Variants in ATXN2 observed in about 807,000 individuals in gnomAD.
The protein encoded by ATXN2 is ataxin-2.
A neutral mutation model predicts 138.6 loss-of-function variants in ATXN2; 37 were observed. The ratio of observed to expected loss-of-function variants is 0.27; its 90% CI spans 0.21 to 0.35. The LOEUF (loss-of-function observed/expected upper bound fraction) is 0.35, where lower values mean the gene tolerates loss of function less well. ATXN2 is among the 10% of genes least tolerant of loss of function. The pLI is 1.00. For missense variants in ATXN2, 1,216 were observed against 1,480.3 expected (o/e 0.82, Z 2.93); for synonymous variants, 549 against 543.7 (o/e 1.01, Z -0.13).
intron 5 of ATXN2, among the ~76,000 whole-genome samples, chr12:111,528,003 T>C (rs1017889438): frequency 6.6e-6 from 1 of 152,134 alleles, no homozygotes; most frequent in Non-Finnish European, 1.5e-5. Flanking sequence ...CTCACAACAC[T>C]AGACAAAAAA....
intron 5 of ATXN2, among the ~76,000 whole-genome samples, chr12:111,542,637 T>C (rs1881583044): frequency 6.6e-6 from 1 of 152,140 alleles, no homozygotes; most frequent in South Asian, 2.1e-4. Context: ...CGGCTAATTT[T>C]TGTACTTTTT....
intron 11 of ATXN2, 69 bp from the exon 12 acceptor site, chr12:111,510,651 GC>G: frequency 7.2e-7 from 1 of 1,393,954 alleles, no homozygotes; most frequent in South Asian, 1.4e-5. Context: ...GAGGCTTCAG[GC>G]TTCTCTGAAG....
chr12:111,503,781 G>A (rs1324772590), intron 14 of ATXN2, among the ~76,000 whole-genome samples: 1 of 151,724 alleles, frequency 6.6e-6, no homozygotes, highest in Non-Finnish European at 1.5e-5. Context: ...ATAAAGATAG[G>A]GTTTCGCCAT....
intron 1 of ATXN2, among the ~76,000 whole-genome samples, chr12:111,591,907 C>A (rs928443983): frequency 2.6e-5 from 4 of 151,488 alleles, no homozygotes; most frequent in African/African-American, 9.7e-5. Flanking sequence ...CATGGTGAAA[C>A]CCTGTCTCTG....
Position 111,485,306 on chromosome 12 carries a change from G to A in ATXN2, c.2483C>T (p.Pro828Leu). 6.2e-7 allele frequency: 1 copy of A among 1,611,892 alleles called. No individual in the cohort carries two copies. Reference protein sequence around the residue: ...VQPLYPIPMTPMPVNQAKTYR... With the variant: ...VQPLYPIPMTLMPVNQAKTYR... ...TGTCTTGGCTTGATTCACTGGCATG[G>A]GCGTCATAGGTATTGGGTATAAAGG... is the stretch of plus-strand genomic sequence containing the variant. Residue 828 changes from proline to leucine, a missense_variant, in exon 18 of 25, where the codon CCC becomes CTC. Around this residue, in one of 4 missense-constraint regions of ATXN2, gnomAD observed 490 missense variants for 653.5 expected, o/e 0.75. Coordinates refer to ENST00000673436, the MANE Select transcript of ATXN2 (RefSeq NM_001372574.1).
rs1172291158 is a variant in ATXN2 at position 111,539,607 on chromosome 12, C to T, written c.571+12673G>A. ...CTAAAAATACAAAAAATTAGCCGGG[C>T]GCTGTGGCGGGTACCTCTAGTCCCA... On this transcript the variant is annotated intron_variant, in intron 5 of 24. Transcript: ENST00000673436. Among the ~76,000 whole-genome samples the T allele has an allele frequency of 1.6e-4, 24 of 149,476 alleles. 2 individuals carry two copies. Among genetic ancestry groups the T allele is most frequent in the Admixed American group, 1.4e-3 (21 of 14,910 alleles).
At chr12:111,563,276 T>C (rs1348251149) in intron 1 of ATXN2, among the ~76,000 whole-genome samples, 1 of 152,114 alleles carries the variant, frequency 6.6e-6, no homozygotes, top group Non-Finnish European at 1.5e-5. Context: ...AATACGTATA[T>C]TCCACATATA....
chr12:111,583,766 CAAAAA>C (rs748838859), intron 1 of ATXN2, among the ~76,000 whole-genome samples: 1 of 58,122 alleles, frequency 1.7e-5, no homozygotes, highest in Non-Finnish European at 2.9e-5. Flanking sequence ...GACTCCGACT[CAAAAA>C]AAAAAAAAAA....
intron 1 of ATXN2, among the ~76,000 whole-genome samples, chr12:111,584,310 A>T (rs1222661422): frequency 7.0e-6 from 1 of 143,518 alleles, no homozygotes; most frequent in Admixed American, 7.3e-5. Context: ...TGAGCCCAGG[A>T]AACAGAGGTT....
rs137965236 is a variant in ATXN2, at chr12:111,453,053, A to C, written c.3440-213T>G. ...GTCAGACGTAAAACCACTTCAGATA[A>C]AACTCCCAGAAGACTTGTTCATGGG... On this transcript the variant is annotated intron_variant, in intron 24 of 24. Transcript: ENST00000673436. This position sits in a 1 kb window ranked among gnomAD's most constrained non-coding sequence, Gnocchi z 5.4. 1 of 1,294,992 alleles carries C rather than the reference A, an allele frequency of 7.7e-7. No homozygotes were observed. 80.2% of individuals were successfully genotyped at this position (1,294,992 alleles called of 1,614,324 possible).
intron 18 of ATXN2, among the ~76,000 whole-genome samples, chr12:111,479,855 T>TA (rs11345860): frequency 7.8e-4 from 110 of 140,594 alleles, no homozygotes; most frequent in Middle Eastern, 3.7e-3. Context: ...TTCCATTTAT[T>TA]AAAAAAAAAA....
At chr12:111,567,424 C>T (rs1222630696) in intron 1 of ATXN2, among the ~76,000 whole-genome samples, 5 of 151,696 alleles carry the variant, frequency 3.3e-5, no homozygotes, top group Admixed American at 6.6e-5. Context: ...CACTTGAACC[C>T]GGAAGGCAGA....
At chr12:111,587,400 A>G (rs1436591306) in intron 1 of ATXN2, among the ~76,000 whole-genome samples, 1 of 152,150 alleles carries the variant, frequency 6.6e-6, no homozygotes, top group Non-Finnish European at 1.5e-5. Flanking sequence ...TGCCTCACAC[A>G]TGTAATTAAA....
chr12:111,597,310 A>G (rs183819667), intron 1 of ATXN2, among the ~76,000 whole-genome samples: 1 of 152,360 alleles, frequency 6.6e-6, no homozygotes, highest in East Asian at 1.9e-4. Context: ...TGTGTTTTCA[A>G]AAAGAAAACT....
chr12:111,481,456 C>A (rs1466766683), intron 18 of ATXN2, among the ~76,000 whole-genome samples: 2 of 151,652 alleles, frequency 1.3e-5, no homozygotes, highest in Admixed American at 6.6e-5. Flanking sequence ...AAACAAAAAA[C>A]CACAATGACA....
At chr12:111,509,061 G>T (rs1879354296) in intron 14 of ATXN2, among the ~76,000 whole-genome samples, 1 of 152,138 alleles carries the variant, frequency 6.6e-6, no homozygotes, top group South Asian at 2.1e-4. Flanking sequence ...ACATGCAAAA[G>T]AATGAAATGA....
intron 1 of ATXN2, among the ~76,000 whole-genome samples, chr12:111,596,737 A>G (rs1394466475): frequency 1.3e-5 from 2 of 152,256 alleles, no homozygotes; most frequent in Non-Finnish European, 1.5e-5. Context: ...CAAGTAAAAG[A>G]ACTTAAAGCA....
intron 1 of ATXN2, among the ~76,000 whole-genome samples, chr12:111,586,186 T>A (rs1488064844): frequency 6.6e-6 from 1 of 151,740 alleles, no homozygotes; most frequent in East Asian, 1.9e-4. Context: ...ATTACAGGTG[T>A]GAGCCACCAT....
Position 111,453,137 on chromosome 12 carries a change from C to T in ATXN2, c.3440-297G>A. The stretch of plus-strand genomic sequence containing the variant: ...AAATATTAGCCAAGCACCAGTATTG[C>T]TTTCAGAATAACAGGTCAGACTGTG... On this transcript the variant is annotated intron_variant, in intron 24 of 24. Coordinates refer to ENST00000673436, the MANE Select transcript of ATXN2 (RefSeq NM_001372574.1). This position sits in a 1 kb window ranked among gnomAD's most constrained non-coding sequence, Gnocchi z 5.4. 1 of 1,219,416 alleles carries T rather than the reference C, an allele frequency of 8.2e-7. No homozygotes were observed. The highest frequency in any genetic ancestry group is 1.0e-6 in the Non-Finnish European group (1 of 977,476). 75.5% of individuals were successfully genotyped at this position (1,219,416 alleles called of 1,614,324 possible).
Sources: gnomAD v4.1 joint callset for allele counts (sites outside exome capture counted in the v4.1 genomes callset) on GRCh38, gnomAD v4.1.1 for gene constraint, gnomAD v4.1.1 regional missense constraint, Gnocchi (gnomAD v3.1) non-coding constraint, MANE v1.5 for transcripts, NCBI Gene and HGNC (gene_info 2026-07-23, HGNC 2026-07-21) for gene names.